Variants in CPM observed in about 807,000 individuals in gnomAD.
The protein encoded by CPM is carboxypeptidase M, also known as renal carboxypeptidase.
CPM carries 35 observed loss-of-function variants against 46.4 expected under a neutral mutation model. That is an observed-to-expected ratio of 0.75 (90% CI 0.58 to 1.00). The LOEUF (loss-of-function observed/expected upper bound fraction) is 1.00. Among genes scored for constraint, CPM ranks in the 50% least tolerant of loss-of-function variants. The pLI is 0.00. For synonymous variants in CPM, 195 were observed against 195.3 expected (o/e 1.00, Z 0.01); for missense variants, 422 against 530.4 (o/e 0.80, Z 2.01).
At chr12:68,900,352 T>C (rs573979011) in intron 2 of CPM, among the ~76,000 whole-genome samples, 1 of 152,148 alleles carries the variant, frequency 6.6e-6, no homozygotes, top group Non-Finnish European at 1.5e-5. Context: ...TGCATTCCTA[T>C]TAGAATGGCA....
chr12:68,933,903 T>C (rs1888616226), upstream of CPM, among the ~76,000 whole-genome samples: 1 of 152,156 alleles, frequency 6.6e-6, no homozygotes, highest in African/African-American at 2.4e-5. Flanking sequence ...ATCCGATGCT[T>C]CCTCCACCTG....
intron 6 of CPM, among the ~76,000 whole-genome samples, chr12:68,867,851 C>A (rs559162382): frequency 1.3e-5 from 2 of 152,278 alleles, no homozygotes; most frequent in African/African-American, 4.8e-5. Context: ...TTTTAAATAG[C>A]AAAACAGGCA....
intron 2 of CPM, among the ~76,000 whole-genome samples, chr12:68,889,665 C>T (rs776706829): frequency 6.6e-6 from 1 of 152,008 alleles, no homozygotes; most frequent in African/African-American, 2.4e-5. Context: ...GCCATCTCTA[C>T]AAAAACTTTA....
At chr12:68,926,578 A>T (rs963305422) in intron 2 of CPM, among the ~76,000 whole-genome samples, 1 of 151,946 alleles carries the variant, frequency 6.6e-6, no homozygotes, top group Non-Finnish European at 1.5e-5. Context: ...TATTATTATT[A>T]TACTTTAAGT....
chr12:68,845,618 T>C (rs1187928137), intron 5 of CPM: 1 of 177,264 alleles, frequency 5.6e-6, no homozygotes, highest in Non-Finnish European at 1.2e-5. Flanking sequence ...TTAAAGACTT[T>C]AAAAAAAATT....
chr12:68,891,893 C>T (rs890678613), intron 2 of CPM, among the ~76,000 whole-genome samples: 5 of 152,102 alleles, frequency 3.3e-5, no homozygotes, highest in African/African-American at 4.8e-5. Context: ...TGTGCCACCA[C>T]GGCCAACTCA....
chr12:68,872,327 A>G (rs913993205), intron 3 of CPM, among the ~76,000 whole-genome samples: 13 of 138,458 alleles, frequency 9.4e-5, no homozygotes, highest in African/African-American at 3.6e-4. Flanking sequence ...ATCTTGGCTC[A>G]TTGCAACCTC....
At chr12:68,910,395 T>C (rs1210240970) in intron 2 of CPM, among the ~76,000 whole-genome samples, 3 of 152,160 alleles carry the variant, frequency 2.0e-5, no homozygotes, top group Admixed American at 6.5e-5. Context: ...ATACAGCATA[T>C]GGAAATGCAC....
intron 3 of CPM, among the ~76,000 whole-genome samples, chr12:68,884,983 G>A (rs565539491): frequency 1.1e-4 from 17 of 152,072 alleles, no homozygotes; most frequent in South Asian, 4.1e-4. Flanking sequence ...TCACTGTGTC[G>A]CCTAGGCTGG....
chr12:68,910,068 G>T (rs1213869880), intron 2 of CPM, among the ~76,000 whole-genome samples: 1 of 151,904 alleles, frequency 6.6e-6, no homozygotes. Flanking sequence ...AGAAACTTGA[G>T]GAAAAAAATG....
At chr12:68,962,166 C>A (rs376692348) in intron 1 of CPM, among the ~76,000 whole-genome samples, 3 of 149,748 alleles carry the variant, frequency 2.0e-5, no homozygotes, top group Non-Finnish European at 4.4e-5. Flanking sequence ...CGCCACTGCA[C>A]TCCAGCCTGG....
At chr12:68,890,505 A>C (rs1886612661) in intron 2 of CPM, among the ~76,000 whole-genome samples, 1 of 152,234 alleles carries the variant, frequency 6.6e-6, no homozygotes, top group South Asian at 2.1e-4. Flanking sequence ...GAGGAAACTT[A>C]AGTGGCAGAA....
intron 2 of CPM, among the ~76,000 whole-genome samples, chr12:68,909,831 GT>G (rs1887510014): frequency 6.9e-6 from 1 of 144,320 alleles, no homozygotes; most frequent in Non-Finnish European, 1.5e-5. Context: ...ACTGGGGCCT[GT>G]TGGGGGGTGG....
chr12:68,936,304 A>G (rs1168735965), upstream of CPM, among the ~76,000 whole-genome samples: 1 of 152,240 alleles, frequency 6.6e-6, no homozygotes, highest in Non-Finnish European at 1.5e-5. Flanking sequence ...TGTTAAGAGT[A>G]TGAAAGATAA....
At chr12:68,927,777 A>T (rs949899233) in intron 2 of CPM, among the ~76,000 whole-genome samples, 2 of 152,180 alleles carry the variant, frequency 1.3e-5, no homozygotes, top group African/African-American at 4.8e-5. Context: ...CAATTGCTTC[A>T]AAGAGAATAA....
At chr12:68,909,743 T>C (rs547429731) in intron 2 of CPM, among the ~76,000 whole-genome samples, 47 of 144,890 alleles carry the variant, frequency 3.2e-4, no homozygotes, top group Non-Finnish European at 5.8e-4. Context: ...TATCAGAAAA[T>C]CAAACACTGC....
At chr12:68,917,034 G>A (rs760414782) in intron 2 of CPM, among the ~76,000 whole-genome samples, 15 of 151,948 alleles carry the variant, frequency 9.9e-5, no homozygotes, top group South Asian at 2.1e-4. Flanking sequence ...ATATCTCCCC[G>A]TGGATGAAGC....
chr12:68,868,249 C>A (rs1008285478), intron 6 of CPM, among the ~76,000 whole-genome samples: 1 of 152,086 alleles, frequency 6.6e-6, no homozygotes, highest in Non-Finnish European at 1.5e-5. Context: ...ATCTTGGACA[C>A]CAGAGAGAGG....
chr12:68,843,867 C>G, intron 5 of CPM: 1 of 216,230 alleles, frequency 4.6e-6, no homozygotes, highest in East Asian at 6.9e-5. Context: ...GATAATACTT[C>G]AGCTTCAATT....
Sources: gnomAD v4.1 joint callset for allele counts (sites outside exome capture counted in the v4.1 genomes callset) on GRCh38, gnomAD v4.1.1 for gene constraint, MANE v1.5 for transcripts, NCBI Gene and HGNC (gene_info 2026-07-23, HGNC 2026-07-21) for gene names.